The following CADM1 variants were observed in gnomAD, a reference collection of about 807,000 sequenced individuals.
The protein encoded by CADM1 is cell adhesion molecule 1, also known as TSLC-1.
Under a neutral mutation model 53.1 loss-of-function variants are expected in CADM1, and 15 were observed. That is an observed-to-expected ratio of 0.28 (90% CI 0.19 to 0.44). The LOEUF (loss-of-function observed/expected upper bound fraction) is 0.44, where lower values mean the gene tolerates loss of function less well. Ranked by LOEUF, CADM1 falls within the 20% of genes least tolerant of loss-of-function variation. CADM1 has a pLI of 1.00. For synonymous variants in CADM1, 281 were observed against 243.0 expected, an observed-to-expected ratio of 1.16 and a Z score of -1.45; for missense variants, 434 against 611.3, an observed-to-expected ratio of 0.71 and a Z score of 3.06.
chr11:115,312,093 G>C (rs2135164680), intron 1 of CADM1, among the ~76,000 whole-genome samples: 1 of 152,242 alleles, frequency 6.6e-6, no homozygotes, highest in African/African-American at 2.4e-5. Context: ...GTACAGAAGA[G>C]AGAAATGTAA....
intron 9 of CADM1, 78 bp downstream of exon 9, chr11:115,198,328 T>G (rs541468128): frequency 1.9e-6 from 2 of 1,067,912 alleles, no homozygotes; most frequent in Non-Finnish European, 2.8e-6. Context: ...CCTTGAAGAC[T>G]ACATTTCTCT....
At chr11:115,358,906 C>T (rs1359081966) in intron 1 of CADM1, among the ~76,000 whole-genome samples, 1 of 152,138 alleles carries the variant, frequency 6.6e-6, no homozygotes, top group African/African-American at 2.4e-5. Flanking sequence ...TTCACTGCTT[C>T]GCCCACCGAG....
chr11:115,262,208 G>C (rs1312840861), intron 1 of CADM1, among the ~76,000 whole-genome samples: 1 of 150,044 alleles, frequency 6.7e-6, no homozygotes, highest in East Asian at 1.9e-4. Flanking sequence ...AGGGATTTGA[G>C]ACCCCTTTAC....
At chr11:115,321,056 T>G (rs1447310709) in intron 1 of CADM1, among the ~76,000 whole-genome samples, 1 of 152,198 alleles carries the variant, frequency 6.6e-6, no homozygotes, top group Admixed American at 6.6e-5. Flanking sequence ...TTTGATGATT[T>G]CATATATTGC....
At chr11:115,225,656 G>A (rs1439171744) in intron 5 of CADM1, among the ~76,000 whole-genome samples, 2 of 152,172 alleles carry the variant, frequency 1.3e-5, no homozygotes, top group African/African-American at 2.4e-5. Context: ...CTCAAGCCTT[G>A]TCTTCTATGC....
intron 10 of CADM1, among the ~76,000 whole-genome samples, chr11:115,179,766 T>C (rs1023315669): frequency 2.6e-5 from 4 of 152,200 alleles, no homozygotes; most frequent in Admixed American, 6.5e-5. Flanking sequence ...ATTAAAATGA[T>C]TTACTAGCTG....
intron 7 of CADM1, among the ~76,000 whole-genome samples, chr11:115,212,446 G>T (rs182303671): frequency 1.0e-3 from 154 of 152,220 alleles, no homozygotes; most frequent in African/African-American, 3.6e-3. Context: ...GACTGATTAG[G>T]GGAGATAGGT....
intron 1 of CADM1, among the ~76,000 whole-genome samples, chr11:115,336,165 G>A (rs1945262194): frequency 6.6e-6 from 1 of 152,028 alleles, no homozygotes; most frequent in African/African-American, 2.4e-5. Context: ...CTTTTTTACT[G>A]TATGTGGAGG....
intron 1 of CADM1, among the ~76,000 whole-genome samples, chr11:115,498,026 A>G (rs1949659039): frequency 6.6e-6 from 1 of 152,118 alleles, no homozygotes; most frequent in African/African-American, 2.4e-5. Context: ...AAAACGGAAC[A>G]ATTTTCAGAA....
chr11:115,220,577 C>G (rs1941367031), intron 5 of CADM1, among the ~76,000 whole-genome samples: 1 of 152,174 alleles, frequency 6.6e-6, no homozygotes, highest in African/African-American at 2.4e-5. Context: ...AAGCGTTAGT[C>G]TTGCCTGCAT....
chr11:115,187,057 C>T (rs1443687045), intron 10 of CADM1, among the ~76,000 whole-genome samples: 1 of 152,178 alleles, frequency 6.6e-6, no homozygotes, highest in Non-Finnish European at 1.5e-5. Flanking sequence ...TGTGAAAGAG[C>T]TTTCTAAGTT....
At chr11:115,470,151 A>C (rs888615055) in intron 1 of CADM1, among the ~76,000 whole-genome samples, 2 of 152,256 alleles carry the variant, frequency 1.3e-5, no homozygotes, top group African/African-American at 2.4e-5. Context: ...AGTATTCTGT[A>C]AACTACAACA....
chr11:115,317,335 G>C (rs1421366126), intron 1 of CADM1, among the ~76,000 whole-genome samples: 2 of 152,086 alleles, frequency 1.3e-5, no homozygotes, highest in Non-Finnish European at 2.9e-5. Context: ...GGGCCTGTGG[G>C]TCTCTAAAGA....
chr11:115,413,256 T>G (rs1947502293), intron 1 of CADM1, among the ~76,000 whole-genome samples: 1 of 152,072 alleles, frequency 6.6e-6, no homozygotes, highest in Non-Finnish European at 1.5e-5. Flanking sequence ...CAAACTTAGG[T>G]TTTTCCTTCA....
intron 1 of CADM1, among the ~76,000 whole-genome samples, chr11:115,321,833 G>A (rs1321572186): frequency 6.6e-6 from 1 of 152,128 alleles, no homozygotes; most frequent in Non-Finnish European, 1.5e-5. Flanking sequence ...GAAACCAGTG[G>A]AATGCAATCA....
At chr11:115,331,027 G>T (rs1055875273) in intron 1 of CADM1, among the ~76,000 whole-genome samples, 1 of 152,134 alleles carries the variant, frequency 6.6e-6, no homozygotes, top group Non-Finnish European at 1.5e-5. Context: ...CAGGTTGCAG[G>T]TTGGGGGGCC....
chr11:115,308,141 CTGTGTGTGTGTGTGTGTG>C (rs199736406), intron 1 of CADM1, among the ~76,000 whole-genome samples: 2 of 133,444 alleles, frequency 1.5e-5, no homozygotes, highest in East Asian at 2.2e-4. Flanking sequence ...AACTCTCTCT[CTGTGTGTGTGTGTGTGTG>C]TGTGTGTGTG....
chr11:115,329,789 T>C (rs1258884193), intron 1 of CADM1, among the ~76,000 whole-genome samples: 1 of 151,964 alleles, frequency 6.6e-6, no homozygotes, highest in African/African-American at 2.4e-5. Context: ...TGGATGGAGA[T>C]GGCTCTCAGC....
rs183253586 is a variant in CADM1 at position 115,276,568 on chromosome 11, C to T, written c.125-36148G>A. 2.1e-4 allele frequency among the ~76,000 whole-genome samples: 32 copies of T among 152,204 alleles called. No homozygotes were observed. The East Asian group carries it at 6.2e-3, about 29-fold the overall frequency. On this transcript the variant is annotated intron_variant, in intron 1 of 11. Coordinates refer to ENST00000331581, the MANE Select transcript of CADM1 (RefSeq NM_001301043.2). The stretch of plus-strand genomic sequence containing the variant: ...GAAAAATAAAATATTGTATGTAAAG[C>T]CATACATATTCATGGTGATTTGGGG...
Sources: gnomAD v4.1 joint callset for allele counts (sites outside exome capture counted in the v4.1 genomes callset) on GRCh38, gnomAD v4.1.1 for gene constraint, MANE v1.5 for transcripts, NCBI Gene and HGNC (gene_info 2026-07-23, HGNC 2026-07-21) for gene names.